RAD51C: variants seen among roughly 807,000 people sequenced by gnomAD.
RAD51C encodes RAD51 paralog C, also known as DNA repair protein RAD51 homolog 3.
In RAD51C, 42 loss-of-function variants were observed where a neutral mutation model predicts 45.0. The observed-to-expected ratio is 0.93, with a 90% CI of 0.73 to 1.21. The LOEUF (loss-of-function observed/expected upper bound fraction) is 1.21, where lower values mean the gene tolerates loss of function less well. Ranked by LOEUF, RAD51C falls within the 50% of genes most tolerant of loss-of-function variation. The probability of loss-of-function intolerance (pLI) is 0.00; values close to 1 mark genes in which losing one functional copy is unlikely to be tolerated. For synonymous variants in RAD51C, 172 were observed against 159.8 expected (o/e 1.08, Z -0.58); for missense variants, 474 against 452.2 (o/e 1.05, Z -0.44).
rs28363336 is a variant in RAD51C at position 58,734,247 on chromosome 17, C to A, written c.*25C>A. On this transcript the variant is annotated 3_prime_UTR_variant, in exon 9 of 9. Coordinates refer to ENST00000337432, the MANE Select transcript of RAD51C (RefSeq NM_058216.3). ...ACCCAGAAACAAATCTCAAAGTGTA[C>A]AAATTTATTGATGTTGTGAAATCAA... 6.3e-7 allele frequency: 1 copy of A among 1,598,844 alleles called. No individual in the cohort carries two copies. Among genetic ancestry groups the A allele is most frequent in the Non-Finnish European group, 8.5e-7 (1 of 1,170,542 alleles).
chr17:58,710,944 C>T (rs1450849037), intron 5 of RAD51C, among the ~76,000 whole-genome samples: 1 of 152,050 alleles, frequency 6.6e-6, no homozygotes, highest in Admixed American at 6.6e-5. Context: ...TTGTCTTTAC[C>T]TTAATTAGAG....
Position 58,734,336 on chromosome 17 carries a change from G to A in RAD51C, c.*114G>A. On this transcript the variant is annotated 3_prime_UTR_variant, in exon 9 of 9. Coordinates refer to ENST00000337432, the MANE Select transcript of RAD51C (RefSeq NM_058216.3). The stretch of plus-strand genomic sequence containing the variant: ...ACACACTATGGCATGAATGAATCCA[G>A]ATCATATGAAGTGAATGGGAAAAAT... 1 of 1,516,146 alleles carries A rather than the reference G, an allele frequency of 6.6e-7. No individual in the cohort carries two copies. Among genetic ancestry groups the A allele is most frequent in the Non-Finnish European group, 8.9e-7 (1 of 1,123,766 alleles). 93.9% of individuals were successfully genotyped at this position (1,516,146 alleles called of 1,614,324 possible).
intron 6 of RAD51C, among the ~76,000 whole-genome samples, chr17:58,723,242 T>A (rs922090262): frequency 3.9e-5 from 6 of 152,144 alleles, no homozygotes; most frequent in African/African-American, 1.4e-4. Context: ...TTCATTTCCT[T>A]GCACTGTGTC....
intron 5 of RAD51C, among the ~76,000 whole-genome samples, chr17:58,711,059 C>G (rs1448945535): frequency 6.6e-6 from 1 of 152,002 alleles, no homozygotes; most frequent in Non-Finnish European, 1.5e-5. Context: ...TTTTTTTTGC[C>G]ATATGCTGAA....
In RAD51C at chr17:58,732,861, C is replaced by T. The variant is rs993430838; in HGVS notation, c.1026+317C>T. Reference sequence around the variant, plus strand: ...ATTTCCAGAAAAGAAAAAATACTAACATTACTTATTTTGGTCTGTAGGTAT... The same window carrying T: ...ATTTCCAGAAAAGAAAAAATACTAATATTACTTATTTTGGTCTGTAGGTAT... On this transcript the variant is annotated intron_variant, in intron 8 of 8. Coordinates refer to ENST00000337432, the MANE Select transcript of RAD51C (RefSeq NM_058216.3). 7 of 326,428 alleles carry T rather than the reference C, an allele frequency of 2.1e-5. No individual in the cohort carries two copies. In the Admixed American group the frequency reaches 2.6e-4, roughly 12 times the overall value. 20.2% of individuals were successfully genotyped at this position (326,428 alleles called of 1,614,324 possible).
At chr17:58,701,363 C>T (rs2048206596) in intron 3 of RAD51C, among the ~76,000 whole-genome samples, 1 of 151,540 alleles carries the variant, frequency 6.6e-6, no homozygotes. Context: ...AAAAAATTAG[C>T]CTGGCATGGT....
intron 1 of RAD51C, 104 bp downstream of exon 1, chr17:58,692,892 G>T (rs576540617): frequency 4.5e-6 from 7 of 1,539,378 alleles, no homozygotes; most frequent in African/African-American, 1.4e-5. Context: ...GTTAGATTCT[G>T]CTTCCTCCCA....
At chr17:58,697,581 A>T (rs184456283) in intron 3 of RAD51C, among the ~76,000 whole-genome samples, 61 of 151,716 alleles carry the variant, frequency 4.0e-4, no homozygotes, top group African/African-American at 1.4e-3. Flanking sequence ...CCACGTCTGA[A>T]ATGTTTGGAT....
chr17:58,727,755 C>T (rs1448167062), intron 7 of RAD51C, among the ~76,000 whole-genome samples: 1 of 151,586 alleles, frequency 6.6e-6, no homozygotes, highest in Non-Finnish European at 1.5e-5. Context: ...TGGCAAGACA[C>T]CACCTCTATA....
chr17:58,732,506 C>T lies in RAD51C; in HGVS notation c.988C>T (p.Pro330Ser), dbSNP rs1555605068. 1.2e-6 allele frequency: 2 copies of T among 1,613,332 alleles called. No homozygotes were observed. Among genetic ancestry groups the T allele is most frequent in the Non-Finnish European group, 1.7e-6 (2 of 1,179,488 alleles). ...CAGGTTGGCAACATTGTACAAGTCA[C>T]CCAGCCAGAAGGAATGCACAGTACT... Reference protein sequence around the residue: ...KQRLATLYKSPSQKECTVLFQ... With the variant: ...KQRLATLYKSSSQKECTVLFQ... The change falls in exon 8 of 9, where the codon CCC becomes TCC. Residue 330 changes from proline (P) to serine (S), a missense_variant. Pro to Ser is a moderately conservative substitution (Grantham distance 74). Coordinates refer to ENST00000337432, the MANE Select transcript of RAD51C (RefSeq NM_058216.3).
intron 3 of RAD51C, chr17:58,700,189 T>C (rs974324062): frequency 1.3e-5 from 2 of 152,180 alleles, no homozygotes; most frequent in African/African-American, 4.8e-5. Flanking sequence ...GTTACTAATC[T>C]CTGGACTCCC....
chr17:58,708,270 A>G (rs1024774423), intron 4 of RAD51C, among the ~76,000 whole-genome samples: 11 of 152,096 alleles, frequency 7.2e-5, no homozygotes, highest in African/African-American at 2.7e-4. Flanking sequence ...TCATCACTTC[A>G]ACCAGTTTCA....
At chr17:58,720,202 A>G (rs964299687) in intron 5 of RAD51C, among the ~76,000 whole-genome samples, 2 of 150,372 alleles carry the variant, frequency 1.3e-5, no homozygotes, top group Non-Finnish European at 3.0e-5. Flanking sequence ...TCACGAGGTC[A>G]GGAGATCGCG....
intron 7 of RAD51C, among the ~76,000 whole-genome samples, chr17:58,724,671 A>G (rs2049051910): frequency 6.6e-6 from 1 of 151,924 alleles, no homozygotes; most frequent in Admixed American, 6.6e-5. Flanking sequence ...AAATCTTTGT[A>G]TTTGTTTTTA....
At chr17:58,723,439 C>A (rs1344409143) in intron 6 of RAD51C, among the ~76,000 whole-genome samples, 1 of 151,438 alleles carries the variant, frequency 6.6e-6, no homozygotes, top group Non-Finnish European at 1.5e-5. Context: ...ATTACTACCC[C>A]CCAGGAGCCT....
intron 5 of RAD51C, among the ~76,000 whole-genome samples, chr17:58,718,014 G>T (rs888045636): frequency 1.3e-5 from 2 of 150,562 alleles, no homozygotes; most frequent in Admixed American, 1.3e-4. Context: ...CTTTTTTTTT[G>T]AGTTGGAGTC....
intron 7 of RAD51C, among the ~76,000 whole-genome samples, chr17:58,727,398 A>G (rs1404807121): frequency 1.3e-5 from 2 of 152,122 alleles, no homozygotes; most frequent in Non-Finnish European, 2.9e-5. Flanking sequence ...TGCTGGGATT[A>G]CAGGCATGAG....
intron 1 of RAD51C, 131 bp downstream of exon 1, chr17:58,692,919 G>T: frequency 7.4e-7 from 1 of 1,346,780 alleles, no homozygotes; most frequent in Non-Finnish European, 1.0e-6. Flanking sequence ...TGTTTACAGC[G>T]TGAAAGAGCT....
At chr17:58,733,758 G>A (rs1341340690) in intron 8 of RAD51C, among the ~76,000 whole-genome samples, 7 of 151,744 alleles carry the variant, frequency 4.6e-5, no homozygotes, top group Non-Finnish European at 8.8e-5. Context: ...TCACTATTTC[G>A]CCCAGGCTAG....
Sources: gnomAD v4.1 joint callset for allele counts (sites outside exome capture counted in the v4.1 genomes callset) on GRCh38, gnomAD v4.1.1 for gene constraint, MANE v1.5 for transcripts, NCBI Gene and HGNC (gene_info 2026-07-23, HGNC 2026-07-21) for gene names.